Variants in E4F1 observed in about 807,000 individuals in gnomAD.
E4F1 encodes the protein E4F transcription factor 1, also known as transcription factor E4F1.
In E4F1, 30 loss-of-function variants were observed where a neutral mutation model predicts 72.9. The ratio of observed to expected loss-of-function variants is 0.41; its 90% CI spans 0.31 to 0.56. The LOEUF (loss-of-function observed/expected upper bound fraction) is 0.56, where lower values mean the gene tolerates loss of function less well. Ranked by LOEUF, E4F1 falls within the 20% of genes least tolerant of loss-of-function variation. E4F1 has a pLI of 0.25. For missense variants in E4F1, 1,091 were observed against 1,117.5 expected (o/e 0.98, Z 0.34); for synonymous variants, 542 against 478.2 (o/e 1.13, Z -1.74).
chr16:2,223,681 G>T lies in E4F1; in HGVS notation c.68G>T (p.Arg23Leu). 6.3e-7 allele frequency: 1 copy of T among 1,579,682 alleles called. No homozygotes were observed. ...GCAGAAGCCCAGGCCGAAGCCGGGC[G>T]GGAAGCGGGCGAGGGTGCAGTTGCG... The part of the protein sequence containing the change: ...HTAEAQAEAG[R>L]EAGEGAVAAV... Residue 23 changes from arginine (R) to leucine (L), a missense_variant, in exon 1 of 14, where the codon CGG (arginine) becomes CTG (leucine). Physicochemically the swap from Arg to Leu is moderately radical, Grantham distance 102. Coordinates refer to ENST00000301727, the MANE Select transcript of E4F1 (RefSeq NM_004424.5).
Position 2,228,499 on chromosome 16 carries a change from C to A in E4F1, c.285C>A (p.Ala95=), listed in dbSNP as rs564776934. The change falls in exon 2 of 14, where the codon GCC becomes GCA. Residue 95 remains alanine (A), a synonymous_variant. Coordinates refer to ENST00000301727, the MANE Select transcript of E4F1 (RefSeq NM_004424.5). ...CGGAGGCCCTGCCTGCCACCCCTGC[C>A]ACCACAGCGTTGCTGGGCCAGGAGG... ...APPEALPATP[A]TTALLGQEVV... is the part of the protein sequence containing the mutation. The A allele has an allele frequency of 2.9e-5, 46 of 1,612,972 alleles. No homozygotes were observed. In the Admixed American group the frequency reaches 3.5e-4, roughly 12 times the overall value.
intron 9 of E4F1, 46 bp from the exon 10 acceptor site, chr16:2,234,125 G>A (rs762912940): frequency 8.8e-6 from 14 of 1,596,278 alleles, no homozygotes; most frequent in African/African-American, 6.7e-5. Flanking sequence ...GCGGCCTGGC[G>A]GGCCCGCGGG....
chr16:2,229,364 C>T (rs966319688), intron 2 of E4F1, among the ~76,000 whole-genome samples: 6 of 152,076 alleles, frequency 3.9e-5, no homozygotes, highest in Admixed American at 2.6e-4. Flanking sequence ...GACCCTGGCC[C>T]GGGGGTGAAG....
At chr16:2,233,771 C>T (rs2093484071) in intron 8 of E4F1, 111 bp from the exon 9 acceptor site, 2 of 1,422,796 alleles carry the variant, frequency 1.4e-6, no homozygotes, top group Non-Finnish European at 1.9e-6. Flanking sequence ...TGTTTACTGC[C>T]TTCCCTGGGG....
chr16:2,233,751 T>A, intron 8 of E4F1, 104 bp downstream of exon 8: 1 of 1,434,250 alleles, frequency 7.0e-7, no homozygotes, highest in Non-Finnish European at 9.4e-7. Context: ...AGTGACTTTG[T>A]CCATTGATCT....
In E4F1 at chr16:2,233,084, C is replaced by T. The variant is rs371870350; in HGVS notation, c.957C>T (p.Pro319=). 9.3e-6 allele frequency: 15 copies of T among 1,612,636 alleles called. No homozygotes were observed. The highest frequency in any genetic ancestry group is 3.3e-5 in the South Asian group (3 of 91,074). ...CAGGCGAGCCTATAGAGACTTCACC[C>T]GTGATTCACCTGGTGACAGATGCCA... is the stretch of plus-strand genomic sequence containing the variant. The part of the protein sequence containing the change: ...SVTGEPIETS[P]VIHLVTDAKG... The change falls in exon 7 of 14, where the codon CCC becomes CCT. Residue 319 remains proline, a synonymous_variant. Transcript: ENST00000301727.
chr16:2,235,269 C>T lies in E4F1; in HGVS notation c.2052C>T (p.Ala684=), dbSNP rs144673455. ...AGCAGATCGTGCACCAGGCTAGCGC[C>T]GGCCACCAGATCATCGTGCAGAACG... ...VVQQIVHQAS[A]GHQIIVQNVT... is the part of the protein sequence containing the mutation. Residue 684 remains alanine (A), a synonymous_variant, in exon 14 of 14, where the codon GCC becomes GCT. Transcript: ENST00000301727. The T allele has an allele frequency of 2.8e-4, 449 of 1,611,162 alleles. 1 individual carries two copies. Among genetic ancestry groups the T allele is most frequent in the East Asian group, 2.0e-3 (89 of 44,882 alleles).
Position 2,232,562 on chromosome 16 carries a change from A to G in E4F1, c.716A>G (p.His239Arg), listed in dbSNP as rs1329312358. 1 of 1,612,220 alleles carries G rather than the reference A, an allele frequency of 6.2e-7. No homozygotes were observed. Among genetic ancestry groups the G allele is most frequent in the Admixed American group, 1.7e-5 (1 of 59,984 alleles). Residue 239 changes from histidine to arginine, a missense_variant, in exon 5 of 14, where the codon CAC becomes CGC. Around this residue, in one of 5 missense-constraint regions of E4F1, gnomAD observed 362 missense variants for 358.6 expected, o/e 1.01. Transcript: ENST00000301727. ...ACCAAGGGCTCACTCATCCGGCACC[A>G]CCGGCGGCACACGGGTGAGCTGGCC... Reference protein sequence around the residue: ...FRTKGSLIRHHRRHTDERPYK... With the variant: ...FRTKGSLIRHRRRHTDERPYK...
rs769646478 is a variant in E4F1 at position 2,223,842 on chromosome 16, G to A, written c.157+72G>A. 8.5e-6 allele frequency: 13 copies of A among 1,531,034 alleles called. No homozygotes were observed. In the African/African-American group the frequency reaches 1.7e-4, roughly 20 times the overall value. The allele number at this position is 1,531,034 out of a possible 1,614,324, so 94.8% of individuals were successfully genotyped here. The stretch of plus-strand genomic sequence containing the variant: ...TCCCGGGCTGGCAGAGGCCCGGATG[G>A]CCCGAGCTGCGGGCTCGACCGACCC... On this transcript the variant is annotated intron_variant, in intron 1 of 13. Coordinates refer to ENST00000301727, the MANE Select transcript of E4F1 (RefSeq NM_004424.5).
intron 1 of E4F1, 147 bp downstream of exon 1, chr16:2,223,917 A>G (rs965952147): frequency 2.6e-6 from 4 of 1,530,576 alleles, no homozygotes; most frequent in Non-Finnish European, 3.5e-6. Context: ...ACAGCCCTCC[A>G]CGAAACCCCC....
rs868100576 is a variant in E4F1 at position 2,229,660 on chromosome 16, G to A, written c.400G>A (p.Ala134Thr). Residue 134 changes from alanine to threonine, a missense_variant, in exon 3 of 14, where the codon GCA (alanine) becomes ACA (threonine). Ala to Thr is a moderately conservative substitution (Grantham distance 58, BLOSUM62 0). Around this residue, in one of 5 missense-constraint regions of E4F1, gnomAD observed 362 missense variants for 358.6 expected, o/e 1.01. Coordinates refer to ENST00000301727, the MANE Select transcript of E4F1 (RefSeq NM_004424.5). Reference protein sequence around the residue: ...AASLAADISHASDLVGGGHIK... With the variant: ...AASLAADISHTSDLVGGGHIK... ...CTCTCTGGCAGCAGACATCAGCCACGCATCTGACCTTGTTGGTAAGCCGAC... is the reference window on the plus strand; with the variant it reads ...CTCTCTGGCAGCAGACATCAGCCACACATCTGACCTTGTTGGTAAGCCGAC... 10 of 1,612,814 alleles carry A rather than the reference G, an allele frequency of 6.2e-6. No homozygotes were observed. Among genetic ancestry groups the A allele is most frequent in the Non-Finnish European group, 8.5e-6 (10 of 1,179,946 alleles).
chr16:2,234,494 C>A, intron 10 of E4F1, 89 bp from the exon 11 acceptor site: 1 of 1,560,180 alleles, frequency 6.4e-7, no homozygotes, highest in Middle Eastern at 1.9e-4. Context: ...CAGTCTTGAC[C>A]CAGCCCCTCC....
At chr16:2,224,510 CTGGG>C (rs1174275701) in intron 1 of E4F1, among the ~76,000 whole-genome samples, 1 of 152,220 alleles carries the variant, frequency 6.6e-6, no homozygotes, top group African/African-American at 2.4e-5. Context: ...ACCGGGTGGG[CTGGG>C]TGCGGTGGCT....
At chr16:2,229,458 GCAC>G in intron 2 of E4F1, 109 bp from the exon 3 acceptor site, 6 of 1,140,354 alleles carry the variant, frequency 5.3e-6, no homozygotes, top group Non-Finnish European at 7.6e-6. Context: ...CCAGGCCTGA[GCAC>G]CACAAGTCAC....
chr16:2,225,598 T>C (rs1159439586), intron 1 of E4F1, among the ~76,000 whole-genome samples: 1 of 151,180 alleles, frequency 6.6e-6, no homozygotes, highest in African/African-American at 2.4e-5. Flanking sequence ...CTCGGCCTCC[T>C]GAGTAGCTGG....
At chr16:2,232,406 C>G (rs780095985) in intron 4 of E4F1, 42 bp downstream of exon 4, 37 of 1,602,150 alleles carry the variant, frequency 2.3e-5, no homozygotes, top group Non-Finnish European at 3.1e-5. Context: ...GTGGCAGGCC[C>G]CCTCCTGTTC....
rs1313156821 is a variant in E4F1 at position 2,234,603 on chromosome 16, C to T, written c.1614C>T (p.Phe538=). Residue 538 remains phenylalanine, a synonymous_variant, in exon 11 of 14, where the codon TTC becomes TTT. Coordinates refer to ENST00000301727, the MANE Select transcript of E4F1 (RefSeq NM_004424.5). ...CACAGAACGCACAGCAGGTGCACTT[C>T]AGGACACACCTGGAGGAGAAGCCGC... The part of the protein sequence containing the change: ...YKTKNAQQVH[F]RTHLEEKPHV... The T allele has an allele frequency of 1.3e-6, 2 of 1,598,470 alleles. No individual in the cohort carries two copies. The highest frequency in any genetic ancestry group is 3.4e-5 in the Admixed American group (2 of 58,554).
At position 2,232,185 on chromosome 16, in the gene E4F1, A is replaced by C. The variant is rs748694000; in HGVS notation, c.430A>C (p.Lys144Gln). 1.9e-6 allele frequency: 3 copies of C among 1,612,110 alleles called. No individual in the cohort carries two copies. Among genetic ancestry groups the C allele is most frequent in the Non-Finnish European group, 2.5e-6 (3 of 1,179,908 alleles). The part of the protein sequence containing the change: ...ASDLVGGGHI[K>Q]EVIVAAEAEL... ...GCTTCTCCTAGGTGGTGGGCACATC[A>C]AAGAGGTCATCGTGGCTGCTGAGGC... is the stretch of plus-strand genomic sequence containing the variant. Residue 144 changes from lysine to glutamine, a missense_variant, in exon 4 of 14, where the codon AAA (lysine) becomes CAA (glutamine). Transcript: ENST00000301727.
intron 13 of E4F1, 27 bp from the exon 14 acceptor site, chr16:2,235,189 C>T (rs756439711): frequency 2.0e-5 from 32 of 1,609,916 alleles, no homozygotes; most frequent in South Asian, 5.5e-5. Flanking sequence ...CTGGCACAGC[C>T]GCTCTTGCTG....
Sources: allele counts gnomAD v4.1 joint callset (sites outside exome capture counted in the v4.1 genomes callset), GRCh38; gene constraint gnomAD v4.1.1; regional missense constraint gnomAD v4.1.1; transcripts MANE v1.5; gene names NCBI Gene and HGNC (gene_info 2026-07-23, HGNC 2026-07-21).